NME7: variants seen among roughly 807,000 people sequenced by gnomAD.
The protein encoded by NME7 is NME/NM23 family member 7.
A neutral mutation model predicts 49.1 loss-of-function variants in NME7; 41 were observed. That is an observed-to-expected ratio of 0.83 (90% confidence interval 0.65 to 1.08). The LOEUF is 1.08. NME7 is among the 50% of genes least tolerant of loss of function. The probability of loss-of-function intolerance (pLI) is 0.00; values close to 1 mark genes in which losing one functional copy is unlikely to be tolerated. For synonymous variants in NME7, 139 were observed against 150.6 expected (o/e 0.92, Z 0.56); for missense variants, 423 against 463.4 (o/e 0.91, Z 0.80).
At chr1:169,192,963 A>AAT (rs1660276492) in intron 10 of NME7, among the ~76,000 whole-genome samples, 1 of 152,148 alleles carries the variant, frequency 6.6e-6, no homozygotes, top group Non-Finnish European at 1.5e-5. Context: ...CAATTCCTGA[A>AAT]ATATATATAC....
rs765735657 is a variant in NME7 at position 169,230,720 on chromosome 1, G to T, written c.988C>A (p.Pro330Thr). Reference sequence around the variant, plus strand: ...TAATATTTTAAACAATAACTTACAGGATCAGCAGGTCCACAAAATTCTCGA... The same window carrying T: ...TAATATTTTAAACAATAACTTACAGTATCAGCAGGTCCACAAAATTCTCGA... ...TFREFCGPADPEIARHLRPGT... is the reference protein window; with the variant it reads ...TFREFCGPADTEIARHLRPGT... Residue 330 changes from proline (P) to threonine (T), a missense_variant and splice_region_variant, in exon 10 of 12, where the codon CCT becomes ACT. Transcript: ENST00000367811. The T allele has an allele frequency of 2.5e-6, 4 of 1,587,002 alleles. No individual in the cohort carries two copies. In the South Asian group the frequency reaches 4.6e-5, roughly 18 times the overall value.
intron 9 of NME7, among the ~76,000 whole-genome samples, chr1:169,231,536 G>A (rs1160787430): frequency 1.3e-5 from 2 of 152,168 alleles, no homozygotes; most frequent in Admixed American, 1.3e-4. Flanking sequence ...CAGAAAATAA[G>A]CTACAGGATC....
chr1:169,319,028 ATTTAAT>A (rs140524650), intron 3 of NME7, among the ~76,000 whole-genome samples: 55,991 of 149,562 alleles, frequency 0.37, 11,148 homozygotes, highest in Non-Finnish European at 0.44. Context: ...ATTAAATTTA[ATTTAAT>A]TTTAATTTTA....
intron 7 of NME7, among the ~76,000 whole-genome samples, chr1:169,247,785 CTCCA>C (rs1447588582): frequency 6.6e-6 from 1 of 152,076 alleles, no homozygotes; most frequent in Non-Finnish European, 1.5e-5. Flanking sequence ...TGGCTTCTAG[CTCCA>C]TCCAAGTTAC....
intron 11 of NME7, among the ~76,000 whole-genome samples, chr1:169,156,235 G>A (rs1659066960): frequency 6.6e-6 from 1 of 151,826 alleles, no homozygotes; most frequent in African/African-American, 2.4e-5. Context: ...ACTTGAGCCT[G>A]GGAGGTCGAG....
At chr1:169,155,681 A>G (rs1659046894) in intron 11 of NME7, among the ~76,000 whole-genome samples, 1 of 151,816 alleles carries the variant, frequency 6.6e-6, no homozygotes, top group Admixed American at 6.6e-5. Flanking sequence ...TGGGAAACAA[A>G]TTTTTCTAAT....
At chr1:169,302,176 C>T (rs1012842184) in intron 5 of NME7, 2 of 152,050 alleles carry the variant, frequency 1.3e-5, no homozygotes, top group Non-Finnish European at 2.9e-5. Flanking sequence ...AGTACCTCAA[C>T]CACTGTAGAA....
chr1:169,187,824 G>A (rs982310317), intron 10 of NME7, among the ~76,000 whole-genome samples: 7 of 152,160 alleles, frequency 4.6e-5, no homozygotes, highest in African/African-American at 1.7e-4. Flanking sequence ...GTTAGTTGAT[G>A]CAGCTTTTTC....
intron 7 of NME7, among the ~76,000 whole-genome samples, chr1:169,282,267 T>C (rs1284545976): frequency 6.6e-6 from 1 of 152,218 alleles, no homozygotes; most frequent in Non-Finnish European, 1.5e-5. Flanking sequence ...TGACGGTAGT[T>C]TGTGTTTCTA....
At chr1:169,239,044 TG>T (rs1647977511) in intron 7 of NME7, among the ~76,000 whole-genome samples, 1 of 151,980 alleles carries the variant, frequency 6.6e-6, no homozygotes, top group Non-Finnish European at 1.5e-5. Context: ...TGAGCGTCCA[TG>T]AGAATAGTTT....
At chr1:169,311,191 G>A (rs576592506) in intron 3 of NME7, among the ~76,000 whole-genome samples, 127 of 152,196 alleles carry the variant, frequency 8.3e-4, no homozygotes, top group Non-Finnish European at 1.6e-3. Context: ...GGCCGAGGCA[G>A]GCGGATCAAG....
chr1:169,333,948 G>A (rs1652362968), intron 1 of NME7, among the ~76,000 whole-genome samples: 1 of 152,046 alleles, frequency 6.6e-6, no homozygotes, highest in Non-Finnish European at 1.5e-5. Context: ...AATTCTAACA[G>A]TGCACTGAAA....
At chr1:169,312,593 C>T (rs927033764) in intron 3 of NME7, among the ~76,000 whole-genome samples, 1 of 152,168 alleles carries the variant, frequency 6.6e-6, no homozygotes, top group Non-Finnish European at 1.5e-5. Context: ...CCAGCCTTCA[C>T]GAACCCAGAA....
Position 169,266,206 on chromosome 1 carries a change from A to G in NME7, c.754+21097T>C, listed in dbSNP as rs191713229. On this transcript the variant is annotated intron_variant, in intron 7 of 11. Coordinates refer to ENST00000367811, the MANE Select transcript of NME7 (RefSeq NM_013330.5). ...TGTCCTTGATGTACATCTATATAAA[A>G]ATTTTCAACAAAATACTCGCAAGCC... Among the ~76,000 whole-genome samples the G allele has an allele frequency of 1.5e-3, 199 of 133,154 alleles. 56 individuals carry two copies. The highest frequency in any genetic ancestry group is 2.0e-3 in the Non-Finnish European group (115 of 56,620). The allele number at this position is 133,154 out of a possible 152,430, so 87.4% of individuals were successfully genotyped here. A position where few individuals can be genotyped will look rare whatever the true frequency, so the allele number is the denominator to read the frequency against.
At chr1:169,156,309 CAAAAAAATTAAA>C (rs778513097) in intron 11 of NME7, among the ~76,000 whole-genome samples, 5 of 149,256 alleles carry the variant, frequency 3.3e-5, no homozygotes, top group African/African-American at 1.2e-4. Context: ...GACTCTGTCT[CAAAAAAATTAAA>C]AAAAAAATTA....
At chr1:169,173,952 G>A (rs1203605762) in intron 10 of NME7, among the ~76,000 whole-genome samples, 3 of 152,170 alleles carry the variant, frequency 2.0e-5, no homozygotes, top group Non-Finnish European at 4.4e-5. Context: ...TCATTAAAGA[G>A]CGATACTTAT....
At chr1:169,190,966 CTA>C (rs1660209215) in intron 10 of NME7, among the ~76,000 whole-genome samples, 4 of 114,942 alleles carry the variant, frequency 3.5e-5, no homozygotes, top group African/African-American at 1.2e-4. Flanking sequence ...GCGCCCGCCA[CTA>C]CGCCCGGCTA....
intron 7 of NME7, among the ~76,000 whole-genome samples, chr1:169,267,275 A>C (rs189096834): frequency 1.5e-5 from 2 of 133,652 alleles, no homozygotes; most frequent in East Asian, 4.0e-4. Context: ...GAGATAACAC[A>C]AACAAATGTA....
intron 3 of NME7, among the ~76,000 whole-genome samples, chr1:169,313,487 C>A (rs746057782): frequency 2.6e-4 from 40 of 152,166 alleles, no homozygotes; most frequent in Non-Finnish European, 4.4e-4. Flanking sequence ...ACCAATCATA[C>A]AGACTGCTAA....
Sources: gnomAD v4.1 joint callset for allele counts (sites outside exome capture counted in the v4.1 genomes callset) on GRCh38, gnomAD v4.1.1 for gene constraint, MANE v1.5 for transcripts, NCBI Gene and HGNC (gene_info 2026-07-23, HGNC 2026-07-21) for gene names.